ADGRL2: variants seen among roughly 807,000 people sequenced by gnomAD.
The protein encoded by ADGRL2 is adhesion G protein-coupled receptor L2.
A neutral mutation model predicts 157.4 loss-of-function variants in ADGRL2; 44 were observed. That is an observed-to-expected ratio of 0.28 (90% CI 0.22 to 0.36). The LOEUF (loss-of-function observed/expected upper bound fraction) is 0.36, where lower values mean the gene tolerates loss of function less well. Among genes scored for constraint, ADGRL2 ranks in the 10% least tolerant of loss-of-function variants. The pLI, the probability that ADGRL2 is intolerant of heterozygous loss-of-function variation, is 1.00. For synonymous variants in ADGRL2, 585 were observed against 624.7 expected, an observed-to-expected ratio of 0.94 and a Z score of 0.95; for missense variants, 1,510 against 1,768.9, an observed-to-expected ratio of 0.85 and a Z score of 2.63.
chr1:81,950,616 A>C (rs1277411610), intron 7 of ADGRL2, 134 bp downstream of exon 7: 1 of 826,484 alleles, frequency 1.2e-6, no homozygotes, highest in Admixed American at 2.9e-5. Flanking sequence ...GTAATATAAC[A>C]TCTATGGACA....
chr1:81,390,957 T>C (rs1197701009), intron 1 of ADGRL2, among the ~76,000 whole-genome samples: 1 of 152,304 alleles, frequency 6.6e-6, no homozygotes, highest in African/African-American at 2.4e-5. Context: ...CTGCGTCATG[T>C]ATTTTCTCAA....
chr1:81,414,588 G>T (rs1040533185), intron 1 of ADGRL2, among the ~76,000 whole-genome samples: 3 of 152,140 alleles, frequency 2.0e-5, no homozygotes, highest in Non-Finnish European at 2.9e-5. Flanking sequence ...GGACACTGCC[G>T]CCGTGATACG....
At chr1:81,607,061 A>G (rs1264754069) in intron 3 of ADGRL2, among the ~76,000 whole-genome samples, 1 of 152,142 alleles carries the variant, frequency 6.6e-6, no homozygotes, top group Non-Finnish European at 1.5e-5. Flanking sequence ...TTATTTTATA[A>G]TTTTTGTAAT....
chr1:81,968,289 C>A (rs192141556), intron 14 of ADGRL2, 90 bp downstream of exon 14: 2 of 1,114,504 alleles, frequency 1.8e-6, no homozygotes, highest in South Asian at 1.3e-5. Context: ...GGGTGCTTAC[C>A]GTAACTAAAA....
intron 1 of ADGRL2, among the ~76,000 whole-genome samples, chr1:81,333,410 A>T (rs4650531): frequency 0.57 from 84,233 of 149,062 alleles, 25,004 homozygotes; most frequent in East Asian, 0.75. Context: ...TTAATTAATT[A>T]ATTTATTTAT....
rs150918039 is a variant in ADGRL2 at position 81,358,729 on chromosome 1, G to A, written c.-302+52220G>A. ...CATGAAAATATGTGATTTATGTTAA[G>A]TACCTACTGTTGTCCTCACCTAGAT... On this transcript the variant is annotated intron_variant, in intron 1 of 24. Coordinates refer to the ADGRL2 transcript ENST00000370721. 3.5e-3 allele frequency among the ~76,000 whole-genome samples: 526 copies of A among 152,196 alleles called. 6 individuals are homozygous for A. The highest frequency in any genetic ancestry group is 0.012 in the African/African-American group (512 of 41,542).
At chr1:81,914,354 A>C (rs2094806218) in intron 3 of ADGRL2, among the ~76,000 whole-genome samples, 1 of 152,104 alleles carries the variant, frequency 6.6e-6, no homozygotes, top group African/African-American at 2.4e-5. Flanking sequence ...CATTTTTCAA[A>C]GGGAAAAATT....
At chr1:81,789,774 A>T (rs2087243654) in intron 2 of ADGRL2, among the ~76,000 whole-genome samples, 1 of 151,988 alleles carries the variant, frequency 6.6e-6, no homozygotes, top group Admixed American at 6.6e-5. Flanking sequence ...AGGTGTCAGC[A>T]AAAAATCCAA....
intron 1 of ADGRL2, among the ~76,000 whole-genome samples, chr1:81,441,525 GT>G (rs1158804028): frequency 6.6e-6 from 1 of 151,938 alleles, no homozygotes; most frequent in Non-Finnish European, 1.5e-5. Flanking sequence ...TTGTTTTTGG[GT>G]TTTTTTGTTT....
At chr1:81,901,660 T>C (rs2094490238) in intron 2 of ADGRL2, among the ~76,000 whole-genome samples, 1 of 151,954 alleles carries the variant, frequency 6.6e-6, no homozygotes, top group African/African-American at 2.4e-5. Flanking sequence ...AATAAATAAA[T>C]GTTTTCAGGA....
At chr1:81,617,036 C>T (rs2081670567) in intron 3 of ADGRL2, among the ~76,000 whole-genome samples, 1 of 152,150 alleles carries the variant, frequency 6.6e-6, no homozygotes, top group Admixed American at 6.5e-5. Flanking sequence ...CATTGAACAT[C>T]AGTCTATATG....
At chr1:81,634,298 A>G (rs80291071) in intron 3 of ADGRL2, among the ~76,000 whole-genome samples, 19,205 of 152,154 alleles carry the variant, frequency 0.13, 1,660 homozygotes, top group Non-Finnish European at 0.18. Flanking sequence ...CTCTTTATGG[A>G]CTGTGTTCCA....
At chr1:81,965,992 T>C (rs1024906154) in intron 11 of ADGRL2, 66 bp from the exon 12 acceptor site, 1 of 1,500,156 alleles carries the variant, frequency 6.7e-7, no homozygotes, top group African/African-American at 1.4e-5. Flanking sequence ...AGTTATCATT[T>C]GCCTCCTTAG....
At position 81,747,452 on chromosome 1, in the gene ADGRL2, C is replaced by T. The variant is rs572158564; in HGVS notation, c.-142-14359C>T. On this transcript the variant is annotated intron_variant, in intron 1 of 20. Coordinates refer to the ADGRL2 transcript ENST00000359929. ...AGTAGCTGGGATTACAGGCGCATGC[C>T]GCCATGCTCAGCTAATTGTTTGTAT... Among the ~76,000 whole-genome samples, 4 of 151,774 alleles carry T rather than the reference C, an allele frequency of 2.6e-5. No individual in the cohort carries two copies. In the East Asian group the frequency reaches 5.8e-4, roughly 22 times the overall value.
chr1:81,455,064 C>A (rs1414348600), intron 2 of ADGRL2, among the ~76,000 whole-genome samples: 1 of 152,214 alleles, frequency 6.6e-6, no homozygotes, highest in Non-Finnish European at 1.5e-5. Flanking sequence ...TCAGAGCATA[C>A]AGACATGGTT....
At chr1:81,768,477 C>CTTT (rs1557635026) in intron 2 of ADGRL2, among the ~76,000 whole-genome samples, 1 of 108,816 alleles carries the variant, frequency 9.2e-6, no homozygotes, top group African/African-American at 4.3e-5. Context: ...TATGAAGTAC[C>CTTT]TCTTTTTTTT....
intron 2 of ADGRL2, among the ~76,000 whole-genome samples, chr1:81,837,950 A>G (rs984128369): frequency 5.3e-5 from 8 of 152,048 alleles, no homozygotes; most frequent in African/African-American, 1.7e-4. Flanking sequence ...TGAAGGGTAT[A>G]AAATCTCTGA....
intron 1 of ADGRL2, among the ~76,000 whole-genome samples, chr1:81,754,254 A>G (rs954914623): frequency 2.9e-5 from 4 of 136,904 alleles, no homozygotes; most frequent in Admixed American, 1.6e-4. Context: ...TCAATAACAC[A>G]GTGTAGTAGG....
chr1:81,725,711 A>G (rs1436061855), intron 1 of ADGRL2, among the ~76,000 whole-genome samples: 1 of 152,190 alleles, frequency 6.6e-6, no homozygotes, highest in East Asian at 1.9e-4. Flanking sequence ...TAATATTGCA[A>G]ATATCACCAT....
Sources: allele counts gnomAD v4.1 joint callset (sites outside exome capture counted in the v4.1 genomes callset), GRCh38; gene constraint gnomAD v4.1.1; transcripts MANE v1.5; gene names NCBI Gene and HGNC (gene_info 2026-07-23, HGNC 2026-07-21).